The following XPO5 variants were observed in gnomAD, a reference collection of about 807,000 sequenced individuals.
XPO5 encodes exportin-5.
XPO5 carries 46 observed loss-of-function variants against 160.6 expected under a neutral mutation model. The observed-to-expected ratio is 0.29, with a 90% confidence interval of 0.23 to 0.37. The LOEUF is 0.37. Ranked by LOEUF, XPO5 falls within the 10% of genes least tolerant of loss-of-function variation. The pLI is 1.00. For missense variants in XPO5, 1,090 were observed against 1,463.9 expected, an observed-to-expected ratio of 0.74 and a Z score of 4.17; for synonymous variants, 537 against 519.3, an observed-to-expected ratio of 1.03 and a Z score of -0.46.
At chr6:43,548,734 A>T (rs1795086197) in intron 17 of XPO5, among the ~76,000 whole-genome samples, 1 of 150,640 alleles carries the variant, frequency 6.6e-6, no homozygotes, top group Non-Finnish European at 1.5e-5. Context: ...ATATATATAG[A>T]TATATATGTA....
At chr6:43,557,577 T>C (rs1428339075) in intron 12 of XPO5, among the ~76,000 whole-genome samples, 1 of 152,002 alleles carries the variant, frequency 6.6e-6, no homozygotes, top group South Asian at 2.1e-4. Flanking sequence ...GAAAGTAGAT[T>C]ACTGGTTGCC....
intron 14 of XPO5, among the ~76,000 whole-genome samples, chr6:43,552,219 G>A (rs1027732952): frequency 6.6e-6 from 1 of 151,594 alleles, no homozygotes; most frequent in South Asian, 2.1e-4. Context: ...GACCATGCCC[G>A]GCTAATTTTT....
At chr6:43,562,560 C>T (rs1762469365) in intron 8 of XPO5, 2 of 509,364 alleles carry the variant, frequency 3.9e-6, no homozygotes, top group South Asian at 4.5e-5. Context: ...ACACAAACAG[C>T]AATTAATAAC....
intron 20 of XPO5, chr6:43,539,003 C>G: frequency 6.5e-7 from 1 of 1,528,930 alleles, no homozygotes; most frequent in Non-Finnish European, 8.9e-7. Flanking sequence ...GGCGAAGTTG[C>G]CCAGGGTGGC....
intron 20 of XPO5, among the ~76,000 whole-genome samples, chr6:43,543,270 TAGAG>T (rs1385371952): frequency 6.6e-6 from 1 of 152,018 alleles, no homozygotes; most frequent in Admixed American, 6.6e-5. Flanking sequence ...CTCAGCAACA[TAGAG>T]AGAACCTATC....
At chr6:43,538,989 C>T (rs1274503078) in intron 20 of XPO5, 13 of 1,486,344 alleles carry the variant, frequency 8.7e-6, no homozygotes, top group Non-Finnish European at 1.1e-5. Context: ...TCAAAGGTGG[C>T]CTTGGCGAAG....
intron 7 of XPO5, chr6:43,566,676 G>T: frequency 2.4e-6 from 1 of 418,980 alleles, no homozygotes; most frequent in South Asian, 1.7e-5. Flanking sequence ...CGGGCATGGT[G>T]GCGTGTGCCT....
rs1316043378 is a variant in XPO5 at position 43,573,522 on chromosome 6, A to G, written c.185T>C (p.Ile62Thr). Reference sequence around the variant, plus strand: ...GATCTGAAGGCCAAAATGTCTGACGATGGCAACTTGTGTTTTCTCAGCCAA... The same window carrying G: ...GATCTGAAGGCCAAAATGTCTGACGGTGGCAACTTGTGTTTTCTCAGCCAA... ...LRLAEKTQVA[I>T]VRHFGLQILE... Residue 62 changes from isoleucine to threonine, a missense_variant, in exon 2 of 32, where the codon ATC (isoleucine) becomes ACC (threonine). By Grantham distance (89) the Ile-to-Thr change is moderately conservative (BLOSUM62 -1). This residue lies in a region of XPO5 where 170 missense variants were observed against 227.0 expected (regional missense o/e 0.75). Transcript: ENST00000265351. The G allele has an allele frequency of 1.2e-6, 2 of 1,613,680 alleles. No homozygotes were observed.
At chr6:43,570,458 T>C in intron 5 of XPO5, 44 bp downstream of exon 5, 1 of 1,559,306 alleles carries the variant, frequency 6.4e-7, no homozygotes, top group Non-Finnish European at 8.7e-7. Flanking sequence ...TCAAAAACAC[T>C]CATATTGGAA....
chr6:43,548,323 C>T lies in XPO5; in HGVS notation c.1998G>A (p.Lys666=), dbSNP rs1304721119. The change falls in exon 18 of 32, where the codon AAG becomes AAA. Residue 666 remains lysine (K), a synonymous_variant. Coordinates refer to ENST00000265351, the MANE Select transcript of XPO5 (RefSeq NM_020750.3). ...SNQFKNYERQ[K]VFLEELMAPV... The stretch of plus-strand genomic sequence containing the variant: ...GTGCCATCAGCTCCTCTAGGAACAC[C>T]TTCTGACGCTCGTAGTTCTTAAATT... 9 of 1,613,504 alleles carry T rather than the reference C, an allele frequency of 5.6e-6. No homozygotes were observed. The Admixed American group carries it at 1.3e-4, about 24-fold the overall frequency.
At chr6:43,554,851 T>A (rs939692185) in intron 13 of XPO5, 1 of 152,156 alleles carries the variant, frequency 6.6e-6, no homozygotes, top group African/African-American at 2.4e-5. Flanking sequence ...TAGAGTCAAT[T>A]GTAAATAAAG....
chr6:43,557,080 A>T (rs935285869), intron 12 of XPO5, among the ~76,000 whole-genome samples: 5 of 145,580 alleles, frequency 3.4e-5, no homozygotes, highest in Non-Finnish European at 6.0e-5. Context: ...GTGAGCCGAG[A>T]GTGTGTCATT....
intron 17 of XPO5, 22 bp from the exon 18 acceptor site, chr6:43,548,482 A>C (rs1795070646): frequency 1.3e-6 from 2 of 1,512,708 alleles, no homozygotes; most frequent in African/African-American, 1.4e-5. Context: ...AAAGAAAAAA[A>C]GCCAGAGGTG....
chr6:43,532,646 C>A (rs890437328), intron 21 of XPO5, among the ~76,000 whole-genome samples: 1 of 152,154 alleles, frequency 6.6e-6, no homozygotes. Context: ...TCCTCATGCC[C>A]CTAACCTAGC....
intron 19 of XPO5, among the ~76,000 whole-genome samples, chr6:43,547,070 A>C (rs1419625082): frequency 6.6e-6 from 1 of 152,196 alleles, no homozygotes; most frequent in Non-Finnish European, 1.5e-5. Flanking sequence ...CAAAGTGTTT[A>C]AAATGCCATC....
chr6:43,551,707 T>C (rs1165274214), intron 14 of XPO5, among the ~76,000 whole-genome samples: 1 of 151,978 alleles, frequency 6.6e-6, no homozygotes, highest in African/African-American at 2.4e-5. Context: ...AAAATTTTTG[T>C]AGAGATGTTG....
At chr6:43,567,579 A>C (rs1762759117) in intron 6 of XPO5, among the ~76,000 whole-genome samples, 1 of 152,136 alleles carries the variant, frequency 6.6e-6, no homozygotes, top group African/African-American at 2.4e-5. Context: ...TCTTTTTCAC[A>C]AAACCCCAAA....
At chr6:43,565,350 T>C (rs910913421) in intron 8 of XPO5, among the ~76,000 whole-genome samples, 1 of 152,002 alleles carries the variant, frequency 6.6e-6, no homozygotes, top group Admixed American at 6.6e-5. Flanking sequence ...GTAGACCACC[T>C]GAGGTCAAGA....
chr6:43,570,832 A>C (rs903631226), intron 4 of XPO5, 25 bp downstream of exon 4: 23 of 1,580,514 alleles, frequency 1.5e-5, no homozygotes, highest in Non-Finnish European at 1.9e-5. Context: ...AAAGTATACC[A>C]AACTGATATA....
Sources: gnomAD v4.1 joint callset for allele counts (sites outside exome capture counted in the v4.1 genomes callset) on GRCh38, gnomAD v4.1.1 for gene constraint, gnomAD v4.1.1 regional missense constraint, MANE v1.5 for transcripts, NCBI Gene and HGNC (gene_info 2026-07-23, HGNC 2026-07-21) for gene names.